Variants in A1CF observed in about 807,000 individuals in gnomAD.
A1CF encodes the protein APOBEC-1 stimulating protein.
Under a neutral mutation model 68.9 loss-of-function variants are expected in A1CF, and 48 were observed. The ratio of observed to expected loss-of-function variants is 0.70; its 90% CI spans 0.55 to 0.89. The LOEUF is 0.89. A1CF is among the 40% of genes least tolerant of loss of function. The pLI is 0.00. For synonymous variants in A1CF, 272 were observed against 260.4 expected, an observed-to-expected ratio of 1.04 and a Z score of -0.43; for missense variants, 653 against 718.9, an observed-to-expected ratio of 0.91 and a Z score of 1.05.
At chr10:50,820,916 T>C (rs1435463068) in intron 7 of A1CF, among the ~76,000 whole-genome samples, 1 of 152,178 alleles carries the variant, frequency 6.6e-6, no homozygotes, top group Non-Finnish European at 1.5e-5. Flanking sequence ...TTCCATCTTC[T>C]TTTGCATTTT....
At chr10:50,883,067 T>A (rs1360296680) in intron 1 of A1CF, among the ~76,000 whole-genome samples, 1 of 152,222 alleles carries the variant, frequency 6.6e-6, no homozygotes, top group Non-Finnish European at 1.5e-5. Context: ...TTTCTCTGAA[T>A]AAATGGAATA....
In A1CF at chr10:50,800,229, A is replaced by T. The variant is rs1837544758; in HGVS notation, c.*6500T>A. ...ATCAGTAGGTGAATTTATCAATTCC[A>T]TGTTTTAATTCTCCTTCTGGACCTC... On this transcript the variant is annotated 3_prime_UTR_variant, in exon 13 of 13. Transcript: ENST00000373997. The T allele has an allele frequency of 6.6e-6, 1 of 152,170 alleles. No individual in the cohort carries two copies. Among genetic ancestry groups the T allele is most frequent in the Non-Finnish European group, 1.5e-5 (1 of 67,986 alleles). The allele number at this position is 152,170 out of a possible 1,614,324, so 9.4% of individuals were successfully genotyped here.
chr10:50,815,966 A>G, intron 9 of A1CF, 40 bp downstream of exon 9: 2 of 1,598,926 alleles, frequency 1.3e-6, no homozygotes, highest in Non-Finnish European at 1.7e-6. Flanking sequence ...GTCATTTGAA[A>G]TCTTGGGATT....
intron 12 of A1CF, among the ~76,000 whole-genome samples, chr10:50,809,126 G>A (rs1837971567): frequency 1.3e-5 from 2 of 152,128 alleles, no homozygotes; most frequent in South Asian, 4.2e-4. Flanking sequence ...CATTTGTTGT[G>A]GGTACATAAC....
intron 7 of A1CF, among the ~76,000 whole-genome samples, chr10:50,826,656 A>C (rs1838955138): frequency 1.3e-5 from 2 of 152,174 alleles, no homozygotes; most frequent in Admixed American, 1.3e-4. Context: ...AGGAATAACC[A>C]GTACCAGCGA....
intron 8 of A1CF, chr10:50,816,491 G>A: frequency 1.8e-6 from 1 of 564,642 alleles, no homozygotes. Flanking sequence ...CAACAGGTTT[G>A]ACAGTGACAT....
In A1CF at chr10:50,836,114, ACT is replaced by A. The variant is rs1442134062; in HGVS notation, c.562_563del (p.His189SerfsTer34). ...NRGFAFVEYE[S>X]HRAAAMARRK... is the part of the protein sequence containing the mutation. ...TCCTCGCCATGGCAGCTGCTCGATG[ACT>A]CTCATACTCCACGAAGGCAAAGCCT... On this transcript the variant is annotated frameshift_variant, in exon 6 of 13. Coordinates refer to ENST00000373997, the MANE Select transcript of A1CF (RefSeq NM_014576.4). LOFTEE classifies it high-confidence loss of function. 11 of 1,612,224 alleles carry A rather than the reference ACT, an allele frequency of 6.8e-6. No homozygotes were observed. The highest frequency in any genetic ancestry group is 2.2e-5 in the East Asian group (1 of 44,762).
At chr10:50,881,336 G>T (rs1841766475) in intron 1 of A1CF, among the ~76,000 whole-genome samples, 1 of 152,164 alleles carries the variant, frequency 6.6e-6, no homozygotes, top group African/African-American at 2.4e-5. Context: ...GTCCAGTGAA[G>T]TTGGACATCA....
At chr10:50,833,977 C>G (rs1240299053) in intron 6 of A1CF, among the ~76,000 whole-genome samples, 3 of 152,114 alleles carry the variant, frequency 2.0e-5, no homozygotes, top group Non-Finnish European at 4.4e-5. Flanking sequence ...ATGGCATATC[C>G]TGGACAGAGA....
At chr10:50,822,417 G>C (rs954145967) in intron 7 of A1CF, among the ~76,000 whole-genome samples, 41 of 152,166 alleles carry the variant, frequency 2.7e-4, no homozygotes, top group African/African-American at 9.7e-4. Context: ...AGAAGAGGGG[G>C]AAGTCCTTTC....
At chr10:50,828,332 G>C in intron 6 of A1CF, 37 bp from the exon 7 acceptor site, 1 of 1,463,334 alleles carries the variant, frequency 6.8e-7, no homozygotes, top group South Asian at 1.5e-5. Context: ...TAATTATGTA[G>C]GAATCAGGAC....
At chr10:50,828,316 T>C in intron 6 of A1CF, 21 bp from the exon 7 acceptor site, 1 of 1,500,880 alleles carries the variant, frequency 6.7e-7, no homozygotes, top group Non-Finnish European at 9.0e-7. Context: ...TGATCACCAT[T>C]ATGATTAATT....
intron 1 of A1CF, among the ~76,000 whole-genome samples, chr10:50,872,632 T>C (rs192717907): frequency 2.0e-4 from 31 of 152,236 alleles, no homozygotes; most frequent in African/African-American, 7.5e-4. Context: ...TTCTCTTCCA[T>C]AGGGACACAT....
chr10:50,864,812 T>C (rs1369085656), intron 1 of A1CF, among the ~76,000 whole-genome samples: 1 of 152,032 alleles, frequency 6.6e-6, no homozygotes, highest in Non-Finnish European at 1.5e-5. Context: ...GAGATAGGGT[T>C]TCTCCATGTT....
chr10:50,880,946 C>A (rs2132630446), intron 1 of A1CF, among the ~76,000 whole-genome samples: 1 of 151,332 alleles, frequency 6.6e-6, no homozygotes, highest in South Asian at 2.1e-4. Context: ...CTTCTCTCAC[C>A]TTCCACATGG....
intron 9 of A1CF, among the ~76,000 whole-genome samples, chr10:50,814,351 G>A (rs1050685208): frequency 6.6e-6 from 1 of 152,130 alleles, no homozygotes; most frequent in Non-Finnish European, 1.5e-5. Flanking sequence ...TGCAATTTTT[G>A]TCTTTAGGTA....
chr10:50,860,021 T>C, intron 2 of A1CF, 36 bp from the exon 3 acceptor site: 1 of 1,094,138 alleles, frequency 9.1e-7, no homozygotes, highest in Non-Finnish European at 1.4e-6. Flanking sequence ...AGTAAATTAC[T>C]GTTGTCAAGT....
At chr10:50,831,193 G>A (rs1363106436) in intron 6 of A1CF, among the ~76,000 whole-genome samples, 2 of 152,162 alleles carry the variant, frequency 1.3e-5, no homozygotes, top group East Asian at 1.9e-4. Context: ...CTTGACATTG[G>A]TCTGGGCAGT....
chr10:50,823,747 A>G (rs949878774), intron 7 of A1CF, among the ~76,000 whole-genome samples: 1 of 152,170 alleles, frequency 6.6e-6, no homozygotes, highest in Non-Finnish European at 1.5e-5. Flanking sequence ...AGTGGGGAAG[A>G]ACAAACCATC....
Sources: gnomAD v4.1 joint callset for allele counts (sites outside exome capture counted in the v4.1 genomes callset) on GRCh38, gnomAD v4.1.1 for gene constraint, MANE v1.5 for transcripts, NCBI Gene and HGNC (gene_info 2026-07-23, HGNC 2026-07-21) for gene names.